USHBP1: variants seen among roughly 807,000 people sequenced by gnomAD.
USHBP1 encodes the protein harmonin-binding protein USHBP1.
USHBP1 carries 67 observed loss-of-function variants against 76.2 expected under a neutral mutation model. The ratio of observed to expected loss-of-function variants is 0.88; its 90% confidence interval spans 0.72 to 1.08. USHBP1 has a LOEUF of 1.08. USHBP1 is among the 50% of genes least tolerant of loss of function. The pLI is 0.00. For synonymous variants in USHBP1, 322 were observed against 362.2 expected (o/e 0.89, Z 1.26); for missense variants, 931 against 915.0 (o/e 1.02, Z -0.23).
chr19:17,264,594 T>C (rs2073730779), intron 1 of USHBP1, 77 bp downstream of exon 1: 1 of 448,610 alleles, frequency 2.2e-6, no homozygotes, highest in Non-Finnish European at 4.0e-6. Context: ...TCCTCCTCTA[T>C]TTGAGCCTGG....
chr19:17,253,267 C>T (rs2073575408), intron 10 of USHBP1, among the ~76,000 whole-genome samples: 1 of 150,454 alleles, frequency 6.6e-6, no homozygotes, highest in African/African-American at 2.4e-5. Flanking sequence ...AGGCATGAGC[C>T]ATCGTGCCCG....
At chr19:17,251,535 G>T in intron 12 of USHBP1, 47 bp downstream of exon 12, 1 of 1,609,334 alleles carries the variant, frequency 6.2e-7, no homozygotes, top group South Asian at 1.1e-5. Flanking sequence ...TGATATCCTG[G>T]TGGGGGATGG....
intron 9 of USHBP1, among the ~76,000 whole-genome samples, chr19:17,255,851 A>G (rs564247677): frequency 6.6e-6 from 1 of 152,152 alleles, no homozygotes; most frequent in South Asian, 2.1e-4. Context: ...AAATACAAAA[A>G]TTAGCCAGGT....
chr19:17,256,891 A>G (rs1350610450), intron 8 of USHBP1, among the ~76,000 whole-genome samples, 171 bp from the exon 9 acceptor site: 1 of 152,104 alleles, frequency 6.6e-6, no homozygotes, highest in East Asian at 1.9e-4. Context: ...ACCACCTTCC[A>G]TCAAGACCAC....
intron 9 of USHBP1, 41 bp from the exon 10 acceptor site, chr19:17,255,647 G>A (rs2073610912): frequency 5.8e-6 from 9 of 1,541,740 alleles, no homozygotes; most frequent in African/African-American, 1.4e-5. Flanking sequence ...ATGCTTCTAC[G>A]GTCAACTGCA....
chr19:17,255,268 G>C, intron 10 of USHBP1, 117 bp downstream of exon 10: 1 of 1,172,280 alleles, frequency 8.5e-7, no homozygotes, highest in Non-Finnish European at 1.2e-6. Context: ...TTCCAGCCTG[G>C]GCAACAAGAG....
In USHBP1 at chr19:17,264,020, C is replaced by A; in HGVS notation, c.185G>T (p.Gly62Val). The change falls in exon 3 of 13, where the codon GGC becomes GTC. Residue 62 changes from glycine (G) to valine (V), a missense_variant. Gly to Val is a moderately radical substitution (Grantham distance 109, BLOSUM62 -3). Coordinates refer to ENST00000252597, the MANE Select transcript of USHBP1 (RefSeq NM_031941.4). Reference protein sequence around the residue: ...EQLGPMEEVSGQGLGSRTDKK... With the variant: ...EQLGPMEEVSVQGLGSRTDKK... ...GTCTTACCTGCTTCCTAGGCCTTGGCCACTGACCTCCTCCATGGGGCCCAG... is the reference window on the plus strand; with the variant it reads ...GTCTTACCTGCTTCCTAGGCCTTGGACACTGACCTCCTCCATGGGGCCCAG... 1 of 1,601,278 alleles carries A rather than the reference C, an allele frequency of 6.2e-7. No homozygotes were observed. The highest frequency in any genetic ancestry group is 1.1e-5 in the South Asian group (1 of 89,160).
intron 9 of USHBP1, 72 bp downstream of exon 9, chr19:17,256,399 G>C: frequency 6.3e-7 from 1 of 1,582,326 alleles, no homozygotes; most frequent in Non-Finnish European, 8.6e-7. Flanking sequence ...TTTGCTCCTT[G>C]GTCCCCCGAC....
Position 17,255,603 on chromosome 19 carries a change from C to A in USHBP1, c.1474G>T (p.Ala492Ser), listed in dbSNP as rs1307178125. The change falls in exon 10 of 13, where the codon GCC becomes TCC. Residue 492 changes from alanine (A) to serine (S), a missense_variant. Transcript: ENST00000252597. ...AGCCGAAGCATCAGGTCCGCCAGGG[C>A]CTCCTGTGGGACCAAGGAGAGGGGA... is the stretch of plus-strand genomic sequence containing the variant. ...IQQDLVAARE[A>S]LADLMLRLQL... 1 of 1,609,170 alleles carries A rather than the reference C, an allele frequency of 6.2e-7. No individual in the cohort carries two copies. Among genetic ancestry groups the A allele is most frequent in the Non-Finnish European group, 8.5e-7 (1 of 1,177,412 alleles).
At chr19:17,263,338 C>T (rs1424180328) in intron 3 of USHBP1, 1 of 191,226 alleles carries the variant, frequency 5.2e-6, no homozygotes, top group Non-Finnish European at 1.1e-5. Flanking sequence ...ATGCTCGGCC[C>T]TGGGCAGGGA....
Position 17,259,651 on chromosome 19 carries a change from G to T in USHBP1, c.850C>A (p.Gln284Lys). 6.2e-7 allele frequency: 1 copy of T among 1,614,076 alleles called. No homozygotes were observed. The highest frequency in any genetic ancestry group is 8.5e-7 in the Non-Finnish European group (1 of 1,179,998). ...STQILGSLPN[Q>K]PLSPEMHIME... The stretch of plus-strand genomic sequence containing the variant: ...ATGTGCATCTCAGGACTGAGGGGCT[G>T]GTTGGGAAGAGACCCAAGGATCTGG... The change falls in exon 6 of 13, where the codon CAG becomes AAG. Residue 284 changes from glutamine to lysine, a missense_variant. Transcript: ENST00000252597.
In USHBP1 at chr19:17,259,648, G is replaced by T. The variant is rs1568326548; in HGVS notation, c.853C>A (p.Pro285Thr). The change falls in exon 6 of 13, where the codon CCC becomes ACC. Residue 285 changes from proline to threonine, a missense_variant. By Grantham distance (38) the Pro-to-Thr change is conservative. Transcript: ENST00000252597. ...ATGATGTGCATCTCAGGACTGAGGG[G>T]CTGGTTGGGAAGAGACCCAAGGATC... ...TQILGSLPNQPLSPEMHIMEA... is the reference protein window; with the variant it reads ...TQILGSLPNQTLSPEMHIMEA... The T allele has an allele frequency of 1.2e-6, 2 of 1,613,932 alleles. No individual in the cohort carries two copies. Among genetic ancestry groups the T allele is most frequent in the African/African-American group, 2.7e-5 (2 of 74,916 alleles).
rs1211250192 is a variant in USHBP1, at chr19:17,259,356, C to T, written c.979G>A (p.Gly327Ser). Residue 327 changes from glycine (G) to serine (S), a missense_variant, in exon 7 of 13, where the codon GGC becomes AGC. By Grantham distance (56) the Gly-to-Ser change is moderately conservative (BLOSUM62 0). Coordinates refer to ENST00000252597, the MANE Select transcript of USHBP1 (RefSeq NM_031941.4). ...VLQGYKGRCE[G>S]LSMQLGQREA... is the part of the protein sequence containing the mutation. ...CGCTGGCCTAGCTGCATGCTGAGGC[C>T]TTCACAGCGGCCCTTGTATCCCTGT... 3.7e-6 allele frequency: 6 copies of T among 1,614,078 alleles called. No homozygotes were observed. The highest frequency in any genetic ancestry group is 5.1e-6 in the Non-Finnish European group (6 of 1,180,052).
chr19:17,251,801 A>C, intron 11 of USHBP1, 97 bp from the exon 12 acceptor site: 1 of 1,579,976 alleles, frequency 6.3e-7, no homozygotes, highest in Non-Finnish European at 8.6e-7. Flanking sequence ...TCATGTAAAC[A>C]CACCTGTACA....
chr19:17,261,501 A>G (rs2073688931), intron 4 of USHBP1, among the ~76,000 whole-genome samples: 2 of 149,686 alleles, frequency 1.3e-5, no homozygotes, highest in African/African-American at 4.9e-5. Context: ...ACGCCGGCTA[A>G]TTTTTTGTAT....
intron 8 of USHBP1, 147 bp downstream of exon 8, chr19:17,258,065 A>G: frequency 1.8e-6 from 2 of 1,092,194 alleles, no homozygotes; most frequent in Admixed American, 2.3e-5. Flanking sequence ...GTTGAGCCTC[A>G]TGTCAACCAA....
Position 17,250,399 on chromosome 19 carries a change from G to A in USHBP1, c.1938C>T (p.Ala646=), listed in dbSNP as rs762845584. 3 of 1,613,078 alleles carry A rather than the reference G, an allele frequency of 1.9e-6. No individual in the cohort carries two copies. The highest frequency in any genetic ancestry group is 2.5e-6 in the Non-Finnish European group (3 of 1,179,924). The change falls in exon 13 of 13, where the codon GCC becomes GCT. Residue 646 remains alanine (A), a synonymous_variant. Transcript: ENST00000252597. ...CCTGCTTCCGGTGGGCTCCTCGGAA[G>A]GCCAGGACCAGGGCGCTGGAAGGGG... ...LCKAHSALVL[A]FRGAHRKQEE...
At chr19:17,263,751 A>C in intron 3 of USHBP1, 1 of 450,732 alleles carries the variant, frequency 2.2e-6, no homozygotes, top group Non-Finnish European at 3.9e-6. Context: ...GCACACCTGT[A>C]ATCCCAACTA....
At position 17,259,877 on chromosome 19, in the gene USHBP1, A is replaced by G. The variant is rs1257502037; in HGVS notation, c.768+20T>C. On this transcript the variant is annotated intron_variant, in intron 5 of 12. Coordinates refer to ENST00000252597, the MANE Select transcript of USHBP1 (RefSeq NM_031941.4). ...AGGCTAAGGACATCAAGACCATGGGATTGAACTTCTCGCACTCACCTGAGT... is the reference window on the plus strand; with the variant it reads ...AGGCTAAGGACATCAAGACCATGGGGTTGAACTTCTCGCACTCACCTGAGT... 6.2e-7 allele frequency: 1 copy of G among 1,609,042 alleles called. No homozygotes were observed. The highest frequency in any genetic ancestry group is 1.3e-5 in the African/African-American group (1 of 74,942).
Sources: allele counts gnomAD v4.1 joint callset (sites outside exome capture counted in the v4.1 genomes callset), GRCh38; gene constraint gnomAD v4.1.1; transcripts MANE v1.5; gene names NCBI Gene and HGNC (gene_info 2026-07-23, HGNC 2026-07-21).